Variants in ADAMTS16 observed in about 807,000 individuals in gnomAD.
ADAMTS16 encodes ADAM metallopeptidase with thrombospondin type 1 motif 16, also known as A disintegrin and metalloproteinase with thrombospondin motifs 16.
In ADAMTS16, 94 loss-of-function variants were observed where a neutral mutation model predicts 145.8. The ratio of observed to expected loss-of-function variants is 0.64; its 90% CI spans 0.55 to 0.77. The LOEUF is 0.77. ADAMTS16 is among the 30% of genes least tolerant of loss of function. ADAMTS16 has a pLI of 0.00. For synonymous variants in ADAMTS16, 659 were observed against 604.3 expected, an observed-to-expected ratio of 1.09 and a Z score of -1.33; for missense variants, 1,585 against 1,591.5, an observed-to-expected ratio of 1.00 and a Z score of 0.07.
chr5:5,241,151 G>A (rs1190517802), intron 16 of ADAMTS16, among the ~76,000 whole-genome samples: 2 of 110,020 alleles, frequency 1.8e-5, no homozygotes, highest in Non-Finnish European at 4.4e-5. Flanking sequence ...AGGACACTCA[G>A]GGGAGGGTGA....
intron 9 of ADAMTS16, among the ~76,000 whole-genome samples, chr5:5,207,454 C>T (rs1451001310): frequency 6.6e-6 from 1 of 152,094 alleles, no homozygotes; most frequent in Non-Finnish European, 1.5e-5. Context: ...TTTCAAATTT[C>T]TACCTAGACA....
chr5:5,314,527 A>G (rs1316542490), intron 21 of ADAMTS16, among the ~76,000 whole-genome samples: 1 of 152,250 alleles, frequency 6.6e-6, no homozygotes, highest in African/African-American at 2.4e-5. Flanking sequence ...TCTTCCTGGA[A>G]TGAAAAGTGA....
intron 3 of ADAMTS16, among the ~76,000 whole-genome samples, chr5:5,162,994 T>C (rs1042660299): frequency 6.6e-6 from 1 of 152,170 alleles, no homozygotes; most frequent in African/African-American, 2.4e-5. Context: ...TTCCATTTAA[T>C]GTGGCCAAGC....
intron 11 of ADAMTS16, among the ~76,000 whole-genome samples, chr5:5,225,464 G>A (rs574192485): frequency 2.6e-5 from 4 of 152,234 alleles, no homozygotes; most frequent in East Asian, 1.9e-4. Flanking sequence ...TTAGCTGGGC[G>A]TTGTGGCGCA....
intron 3 of ADAMTS16, among the ~76,000 whole-genome samples, chr5:5,149,938 G>A (rs1327968109): frequency 6.6e-6 from 1 of 152,144 alleles, no homozygotes; most frequent in Non-Finnish European, 1.5e-5. Flanking sequence ...TTTATCAGTT[G>A]ATGGACATTA....
At chr5:5,186,301 G>GGGGGGTGTGTGTGTGTGTGTGTGT (rs368811446) in intron 5 of ADAMTS16, 50 bp downstream of exon 5, 3 of 987,400 alleles carry the variant, frequency 3.0e-6, no homozygotes, top group African/African-American at 3.5e-5. Context: ...CACTTCGTAG[G>GGGGGGTGTGTGTGTGTGTGTGTGT]GTGTGTGTGT....
rs1734291774 is a variant in ADAMTS16, at chr5:5,146,237, G to A, written c.283G>A (p.Glu95Lys). The change falls in exon 3 of 23, where the codon GAG becomes AAG. Residue 95 changes from glutamate to lysine, a missense_variant. Around this residue, in one of 3 missense-constraint regions of ADAMTS16, gnomAD observed 453 missense variants for 412.1 expected, o/e 1.10. Transcript: ENST00000274181. ...RRRAVPVSEV[E>K]SLHLRLKGSR... ...AAGAGCAGTGCCCGTGTCCGAGGTTGAGTCTCTTCACCTTCGGCTGAAAGG... is the reference window on the plus strand; with the variant it reads ...AAGAGCAGTGCCCGTGTCCGAGGTTAAGTCTCTTCACCTTCGGCTGAAAGG... 6.2e-7 allele frequency: 1 copy of A among 1,614,058 alleles called. No homozygotes were observed. Among genetic ancestry groups the A allele is most frequent in the South Asian group, 1.1e-5 (1 of 91,082 alleles).
At chr5:5,190,969 G>T (rs912206711) in intron 7 of ADAMTS16, among the ~76,000 whole-genome samples, 122 of 145,720 alleles carry the variant, frequency 8.4e-4, no homozygotes, top group Non-Finnish European at 1.3e-3. Flanking sequence ...CAAACTTTAG[G>T]CAGTGGGTGC....
intron 13 of ADAMTS16, among the ~76,000 whole-genome samples, chr5:5,235,674 G>C (rs975097862): frequency 1.4e-4 from 21 of 152,248 alleles, no homozygotes; most frequent in African/African-American, 5.1e-4. Flanking sequence ...TTTATTTGTG[G>C]CATGTATAAG....
At position 5,222,842 on chromosome 5, in the gene ADAMTS16, A is replaced by T. The variant is rs1736645487; in HGVS notation, c.1659A>T (p.Lys553Asn). 1 of 1,614,174 alleles carries T rather than the reference A, an allele frequency of 6.2e-7. No homozygotes were observed. Among genetic ancestry groups the T allele is most frequent in the African/African-American group, 1.3e-5 (1 of 75,068 alleles). Residue 553 changes from lysine to asparagine, a missense_variant, in exon 11 of 23, where the codon AAA (lysine) becomes AAT (asparagine). Coordinates refer to ENST00000274181, the MANE Select transcript of ADAMTS16 (RefSeq NM_139056.4). ...CHRIGRKCET[K>N]FMPAAEGTIC... ...GTATTGGAAGGAAATGTGAGACTAAATTTATGCCAGCAGCAGAAGGCACAA... is the reference window on the plus strand; with the variant it reads ...GTATTGGAAGGAAATGTGAGACTAATTTTATGCCAGCAGCAGAAGGCACAA...
chr5:5,275,712 C>T (rs1738660944), intron 18 of ADAMTS16, among the ~76,000 whole-genome samples: 1 of 152,138 alleles, frequency 6.6e-6, no homozygotes, highest in African/African-American at 2.4e-5. Context: ...CTGAAATTAA[C>T]ACTACGGGCA....
chr5:5,264,092 C>T (rs181709896), intron 18 of ADAMTS16, among the ~76,000 whole-genome samples: 3 of 152,246 alleles, frequency 2.0e-5, no homozygotes, highest in East Asian at 1.9e-4. Flanking sequence ...TTTAGAGGCA[C>T]AGGATGGGGG....
chr5:5,301,820 C>T (rs568909546), intron 18 of ADAMTS16, among the ~76,000 whole-genome samples: 1 of 152,310 alleles, frequency 6.6e-6, no homozygotes, highest in East Asian at 1.9e-4. Flanking sequence ...GAGTGGAAGA[C>T]AGGATGCCCC....
intron 10 of ADAMTS16, among the ~76,000 whole-genome samples, chr5:5,210,136 C>G (rs1301549346): frequency 6.6e-6 from 1 of 152,194 alleles, no homozygotes; most frequent in Admixed American, 6.5e-5. Flanking sequence ...TCAGCAGCAG[C>G]AGACATTCTC....
At chr5:5,285,221 A>C (rs1015101595) in intron 18 of ADAMTS16, among the ~76,000 whole-genome samples, 8 of 152,234 alleles carry the variant, frequency 5.3e-5, no homozygotes, top group African/African-American at 1.7e-4. Context: ...TAGATACCAA[A>C]GACATTAACT....
At chr5:5,304,433 C>T (rs1239144229) in intron 20 of ADAMTS16, among the ~76,000 whole-genome samples, 1 of 152,064 alleles carries the variant, frequency 6.6e-6, no homozygotes, top group Non-Finnish European at 1.5e-5. Context: ...ATCTTACACC[C>T]CACAGAGTGG....
intron 18 of ADAMTS16, among the ~76,000 whole-genome samples, chr5:5,301,768 G>A (rs926915243): frequency 4.6e-5 from 7 of 152,164 alleles, no homozygotes; most frequent in Non-Finnish European, 8.8e-5. Flanking sequence ...TGAGATTCAG[G>A]AGCAAGTCAC....
At chr5:5,188,894 C>T (rs1466781768) in intron 6 of ADAMTS16, among the ~76,000 whole-genome samples, 1 of 152,112 alleles carries the variant, frequency 6.6e-6, no homozygotes, top group East Asian at 1.9e-4. Flanking sequence ...GGTATTAAAA[C>T]CTCTTCACCT....
intron 3 of ADAMTS16, among the ~76,000 whole-genome samples, chr5:5,168,750 T>A (rs1734967568): frequency 7.2e-6 from 1 of 138,420 alleles, no homozygotes; most frequent in African/African-American, 2.7e-5. Context: ...AAAATATAAT[T>A]ATATAATTAT....
Sources: allele counts gnomAD v4.1 joint callset (sites outside exome capture counted in the v4.1 genomes callset), GRCh38; gene constraint gnomAD v4.1.1; regional missense constraint gnomAD v4.1.1; transcripts MANE v1.5; gene names NCBI Gene and HGNC (gene_info 2026-07-23, HGNC 2026-07-21).